IRF2: variants seen among roughly 807,000 people sequenced by gnomAD.
The protein encoded by IRF2 is interferon regulatory factor 2.
IRF2 carries 15 observed loss-of-function variants against 40.6 expected under a neutral mutation model. That is an observed-to-expected ratio of 0.37 (90% confidence interval 0.25 to 0.57). IRF2 has a LOEUF of 0.57. Ranked by LOEUF, IRF2 falls within the 20% of genes least tolerant of loss-of-function variation. The pLI, the probability that IRF2 is intolerant of heterozygous loss-of-function variation, is 0.77. For synonymous variants in IRF2, 151 were observed against 165.5 expected, an observed-to-expected ratio of 0.91 and a Z score of 0.67; for missense variants, 317 against 455.7, an observed-to-expected ratio of 0.70 and a Z score of 2.77.
chr4:184,431,653 G>A (rs1579079633), intron 1 of IRF2, among the ~76,000 whole-genome samples: 1 of 152,252 alleles, frequency 6.6e-6, no homozygotes, highest in East Asian at 1.9e-4. Flanking sequence ...GATAGGGGTA[G>A]GTATAGTGGT....
At chr4:184,420,594 C>T (rs1243060498) in intron 2 of IRF2, among the ~76,000 whole-genome samples, 1 of 152,150 alleles carries the variant, frequency 6.6e-6, no homozygotes, top group African/African-American at 2.4e-5. Context: ...TCAAGCAACC[C>T]TGAAAAACAC....
intron 1 of IRF2, 47 bp from the exon 2 acceptor site, chr4:184,429,117 G>A (rs887654967): frequency 4.3e-5 from 63 of 1,474,934 alleles, no homozygotes; most frequent in Non-Finnish European, 5.8e-5. Context: ...CACTCAGTGT[G>A]GTGTCTGCAC....
chr4:184,456,476 G>A (rs916898147), intron 1 of IRF2, among the ~76,000 whole-genome samples: 2 of 152,230 alleles, frequency 1.3e-5, no homozygotes, highest in African/African-American at 4.8e-5. Flanking sequence ...CGTGAGAGCC[G>A]CGGTGGAGAA....
intron 1 of IRF2, among the ~76,000 whole-genome samples, chr4:184,471,198 C>T (rs1484567767): frequency 6.6e-6 from 1 of 152,170 alleles, no homozygotes; most frequent in Admixed American, 6.5e-5. Context: ...AATGTTCTTT[C>T]ATATACAGTA....
Position 184,388,951 on chromosome 4 carries a change from G to C in IRF2, c.857C>G (p.Pro286Arg), listed in dbSNP as rs755056505. 1.2e-6 allele frequency: 2 copies of C among 1,614,178 alleles called. No individual in the cohort carries two copies. The highest frequency in any genetic ancestry group is 3.3e-5 in the Admixed American group (2 of 60,026). The change falls in exon 9 of 9, where the codon CCG becomes CGG. Residue 286 changes from proline (P) to arginine (R), a missense_variant. Physicochemically the swap from Pro to Arg is moderately radical, Grantham distance 103. This residue lies in a region of IRF2 where 262 missense variants were observed against 334.0 expected (regional missense o/e 0.78). Coordinates refer to ENST00000393593, the MANE Select transcript of IRF2 (RefSeq NM_002199.4). This position sits in a 1 kb window ranked among gnomAD's most constrained non-coding sequence, Gnocchi z 4.6. ...GMASFVTSNK[P>R]DLQVTIKEES... is the part of the protein sequence containing the mutation. The stretch of plus-strand genomic sequence containing the variant: ...CTCTTTGATGGTGACCTGGAGGTCC[G>C]GTTTGTTGGAAGTGACGAAGGACGC...
chr4:184,389,926 A>T (rs1243359757), intron 8 of IRF2, among the ~76,000 whole-genome samples: 3 of 152,238 alleles, frequency 2.0e-5, no homozygotes, highest in Admixed American at 1.3e-4. Context: ...CAGCGGCCTC[A>T]GGGCTGGCTT....
At chr4:184,392,656 G>C (rs1466446811) in intron 7 of IRF2, among the ~76,000 whole-genome samples, 2 of 152,212 alleles carry the variant, frequency 1.3e-5, no homozygotes, top group African/African-American at 4.8e-5. Flanking sequence ...TCCACTGAGA[G>C]CATTAGCCCC....
intron 7 of IRF2, among the ~76,000 whole-genome samples, chr4:184,392,514 G>A (rs964245302): frequency 6.6e-6 from 1 of 152,170 alleles, no homozygotes; most frequent in Non-Finnish European, 1.5e-5. Context: ...CCCCCGTTAC[G>A]CAGAAGAGCT....
chr4:184,412,025 A>G (rs12650746), intron 5 of IRF2, among the ~76,000 whole-genome samples: 10,565 of 148,654 alleles, frequency 0.071, 435 homozygotes, highest in Middle Eastern at 0.13. Flanking sequence ...AAAAAAAAAA[A>G]AAAAGACTCT....
intron 2 of IRF2, chr4:184,428,644 C>T (rs1737756427): frequency 8.9e-6 from 4 of 450,494 alleles, no homozygotes; most frequent in Non-Finnish European, 1.8e-5. Flanking sequence ...CAAAAAAATA[C>T]AAAAATTGGC....
At chr4:184,393,168 T>C (rs928637583) in intron 7 of IRF2, among the ~76,000 whole-genome samples, 2 of 152,168 alleles carry the variant, frequency 1.3e-5, no homozygotes, top group African/African-American at 4.8e-5. Flanking sequence ...CTTGCCAAAG[T>C]TGCCAACTGA....
Position 184,427,233 on chromosome 4 carries a change from T to C in IRF2, c.87+1745A>G, listed in dbSNP as rs540951133. ...GATAGAGCAACCCTAGAAAAATACA[T>C]TGTGGTAAGACCTTGAGATATGGGA... On this transcript the variant is annotated intron_variant, in intron 2 of 8. Coordinates refer to ENST00000393593, the MANE Select transcript of IRF2 (RefSeq NM_002199.4). Among the ~76,000 whole-genome samples, 21 of 152,322 alleles carry C rather than the reference T, an allele frequency of 1.4e-4. No individual in the cohort carries two copies. The South Asian group carries it at 2.5e-3, about 18-fold the overall frequency.
rs67852305 is a variant in IRF2, at chr4:184,466,066, TG to T, written c.-7+8312del. Among the ~76,000 whole-genome samples, 178 of 115,812 alleles carry T rather than the reference TG, an allele frequency of 1.5e-3. 11 individuals are homozygous for T. Among genetic ancestry groups the T allele is most frequent in the African/African-American group, 2.4e-3 (86 of 35,434 alleles). 76.0% of individuals were successfully genotyped at this position (115,812 alleles called of 152,430 possible). A position where few individuals can be genotyped will look rare whatever the true frequency, so the allele number is the denominator to read the frequency against. On this transcript the variant is annotated intron_variant, in intron 1 of 8. Coordinates refer to ENST00000393593, the MANE Select transcript of IRF2 (RefSeq NM_002199.4). ...TCCCATCTGGTTGTTTTTTGTTTTT[TG>T]TTTTTTTTTTGAGATGAAGTCTCAC... is the stretch of plus-strand genomic sequence containing the variant.
intron 1 of IRF2, among the ~76,000 whole-genome samples, chr4:184,460,354 AT>A (rs1739090234): frequency 6.6e-6 from 1 of 152,224 alleles, no homozygotes. Context: ...GGGTATAGAG[AT>A]TCTGATCCAG....
At chr4:184,435,238 G>C (rs1248763759) in intron 1 of IRF2, among the ~76,000 whole-genome samples, 1 of 152,092 alleles carries the variant, frequency 6.6e-6, no homozygotes, top group Non-Finnish European at 1.5e-5. Flanking sequence ...TGCCTTCATC[G>C]TACTTTAGAA....
At chr4:184,412,466 C>G (rs1737113411) in intron 5 of IRF2, among the ~76,000 whole-genome samples, 1 of 152,210 alleles carries the variant, frequency 6.6e-6, no homozygotes, top group Non-Finnish European at 1.5e-5. Flanking sequence ...CTCCCACCTT[C>G]CAAAATGCTC....
At chr4:184,407,727 C>T (rs778171105) in intron 6 of IRF2, among the ~76,000 whole-genome samples, 1 of 152,214 alleles carries the variant, frequency 6.6e-6, no homozygotes, top group Non-Finnish European at 1.5e-5. Flanking sequence ...TCTGCTGAAT[C>T]AGAGTGGGCC....
intron 6 of IRF2, among the ~76,000 whole-genome samples, chr4:184,400,335 C>CT (rs1000411290): frequency 6.6e-5 from 10 of 151,402 alleles, no homozygotes; most frequent in African/African-American, 2.2e-4. Flanking sequence ...TTGGGGCTGG[C>CT]TTTTTTTTTA....
Position 184,419,448 on chromosome 4 carries a change from C to T in IRF2, c.187+21G>A, listed in dbSNP as rs77661323. The stretch of plus-strand genomic sequence containing the variant: ...AAGCAAGAGTGCCTTCCTCTATAAA[C>T]GCCGCAGGGAGTTTTAGTACCTGTA... On this transcript the variant is annotated intron_variant, in intron 3 of 8. Coordinates refer to ENST00000393593, the MANE Select transcript of IRF2 (RefSeq NM_002199.4). 3.6e-3 allele frequency: 5,411 copies of T among 1,491,318 alleles called. 177 individuals are homozygous for T. In the African/African-American group the frequency reaches 0.066, roughly 18 times the overall value. The allele number at this position is 1,491,318 out of a possible 1,614,324, so 92.4% of individuals were successfully genotyped here. A position where few individuals can be genotyped will look rare whatever the true frequency, so the allele number is the denominator to read the frequency against.
Sources: gnomAD v4.1 joint callset for allele counts (sites outside exome capture counted in the v4.1 genomes callset) on GRCh38, gnomAD v4.1.1 for gene constraint, gnomAD v4.1.1 regional missense constraint, Gnocchi (gnomAD v3.1) non-coding constraint, MANE v1.5 for transcripts, NCBI Gene and HGNC (gene_info 2026-07-23, HGNC 2026-07-21) for gene names.